The following SEC24B variants were observed in gnomAD, a reference collection of about 807,000 sequenced individuals.
SEC24B encodes SEC24 homolog B, COPII component, also known as protein transport protein Sec24B.
SEC24B carries 45 observed loss-of-function variants against 142.8 expected under a neutral mutation model. The ratio of observed to expected loss-of-function variants is 0.32; its 90% CI spans 0.25 to 0.40. SEC24B has a LOEUF of 0.40. Among genes scored for constraint, SEC24B ranks in the 10% least tolerant of loss-of-function variants. SEC24B has a pLI of 1.00. For synonymous variants in SEC24B, 574 were observed against 568.2 expected (o/e 1.01, Z -0.15); for missense variants, 1,409 against 1,526.8 (o/e 0.92, Z 1.29).
At chr4:109,517,091 G>A (rs372613641) in intron 11 of SEC24B, among the ~76,000 whole-genome samples, 4 of 152,106 alleles carry the variant, frequency 2.6e-5, no homozygotes, top group East Asian at 1.9e-4. Flanking sequence ...TACAATTGTC[G>A]TATGATCCAG....
intron 7 of SEC24B, among the ~76,000 whole-genome samples, chr4:109,508,135 G>A (rs138545322): frequency 5.9e-5 from 9 of 152,204 alleles, no homozygotes; most frequent in East Asian, 1.9e-4. Context: ...GATTGTTTCC[G>A]TAAAAATACA....
In SEC24B at chr4:109,539,654, T is replaced by A; in HGVS notation, c.3786T>A (p.Val1262=). ...CTTACTATGAATTTTTGCTTCATGT[T>A]CAGCAGCAGATTTGTAAGTGAAGTA... ...AFSYYEFLLH[V]QQQICK is the part of the protein sequence containing the mutation. The change falls in exon 24 of 24, where the codon GTT becomes GTA. Residue 1262 remains valine, a synonymous_variant. Transcript: ENST00000265175. The A allele has an allele frequency of 6.2e-7, 1 of 1,610,014 alleles. No individual in the cohort carries two copies. Among genetic ancestry groups the A allele is most frequent in the Non-Finnish European group, 8.5e-7 (1 of 1,176,428 alleles).
intron 10 of SEC24B, among the ~76,000 whole-genome samples, chr4:109,514,568 G>T (rs1345639637): frequency 6.6e-6 from 1 of 152,106 alleles, no homozygotes; most frequent in Non-Finnish European, 1.5e-5. Context: ...GCGTGGTGGT[G>T]CACGCCTGTA....
chr4:109,440,013 G>A (rs1410346917), intron 1 of SEC24B, among the ~76,000 whole-genome samples: 2 of 151,426 alleles, frequency 1.3e-5, no homozygotes, highest in African/African-American at 2.4e-5. Flanking sequence ...CCAGCTACTC[G>A]GGAGGCTGAG....
At chr4:109,446,255 C>T (rs1578760338) in intron 1 of SEC24B, among the ~76,000 whole-genome samples, 1 of 152,086 alleles carries the variant, frequency 6.6e-6, no homozygotes, top group Non-Finnish European at 1.5e-5. Context: ...AGACACAGGA[C>T]AAGTCAGAGC....
At position 109,520,909 on chromosome 4, in the gene SEC24B, T is replaced by G. The variant is rs562958151; in HGVS notation, c.2246-208T>G. 3.3e-5 allele frequency among the ~76,000 whole-genome samples: 5 copies of G among 152,252 alleles called. No homozygotes were observed. The South Asian group carries it at 1.0e-3, about 32-fold the overall frequency. ...CAGGAGGCTGAGGCAGGAGAATCGC[T>G]TGAACCCGGGAGGTGGAGGTTGCAG... On this transcript the variant is annotated intron_variant, in intron 12 of 23. Transcript: ENST00000265175.
In SEC24B at chr4:109,518,760, A is replaced by G. The variant is rs576946243; in HGVS notation, c.2127-1606A>G. Among the ~76,000 whole-genome samples, 3 of 149,706 alleles carry G rather than the reference A, an allele frequency of 2.0e-5. No individual in the cohort carries two copies. In the East Asian group the frequency reaches 6.3e-4, roughly 32 times the overall value. On this transcript the variant is annotated intron_variant, in intron 11 of 23. Transcript: ENST00000265175. ...GGCAACGGAAGACTGCTCTACAGAA[A>G]TGATTGGTTGGCTTGTTGTTGGTTT...
chr4:109,514,515 A>G (rs970785604), intron 10 of SEC24B, among the ~76,000 whole-genome samples: 1 of 152,200 alleles, frequency 6.6e-6, no homozygotes, highest in African/African-American at 2.4e-5. Context: ...CCTGGCCAAC[A>G]TGGTGAAACC....
At chr4:109,441,478 T>G (rs1292588708) in intron 1 of SEC24B, among the ~76,000 whole-genome samples, 1 of 152,194 alleles carries the variant, frequency 6.6e-6, no homozygotes, top group Non-Finnish European at 1.5e-5. Context: ...TCACCCAGGC[T>G]GGAGTGCAGT....
chr4:109,452,851 C>CATTT (rs933274435), intron 1 of SEC24B, among the ~76,000 whole-genome samples: 12 of 152,308 alleles, frequency 7.9e-5, no homozygotes, highest in African/African-American at 2.9e-4. Flanking sequence ...TTTTCCTGAA[C>CATTT]ATTTTCATGA....
chr4:109,495,132 G>T (rs1735405919), intron 6 of SEC24B, among the ~76,000 whole-genome samples: 1 of 152,040 alleles, frequency 6.6e-6, no homozygotes, highest in Admixed American at 6.5e-5. Flanking sequence ...TTATTTTTCA[G>T]AGTCTACAAT....
chr4:109,538,674 TTAAA>T lies in SEC24B; in HGVS notation c.3692+81_3692+84del, dbSNP rs143187541. ...GAATTGCTTGTCTTCAAAGCAAACTTTAAATAGTAGCAAAATATATTCTGATGGT... is the reference window on the plus strand; with the variant it reads ...GAATTGCTTGTCTTCAAAGCAAACTTTAGTAGCAAAATATATTCTGATGGT... On this transcript the variant is annotated intron_variant, in intron 23 of 23. Transcript: ENST00000265175. 4,434 of 827,340 alleles carry T rather than the reference TTAAA, an allele frequency of 5.4e-3. 20 individuals carry two copies. Among genetic ancestry groups the T allele is most frequent in the Non-Finnish European group, 7.7e-3 (3,760 of 489,564 alleles). The allele number at this position is 827,340 out of a possible 1,614,324, so 51.2% of individuals were successfully genotyped here.
intron 3 of SEC24B, among the ~76,000 whole-genome samples, chr4:109,480,511 C>T (rs913970822): frequency 6.6e-6 from 1 of 151,876 alleles, no homozygotes; most frequent in African/African-American, 2.4e-5. Flanking sequence ...GAGATGGAGT[C>T]TTGCTCTGTC....
intron 6 of SEC24B, among the ~76,000 whole-genome samples, chr4:109,497,965 T>C (rs1422750167): frequency 6.6e-6 from 1 of 152,214 alleles, no homozygotes; most frequent in East Asian, 1.9e-4. Context: ...AATTTTGACT[T>C]TCTAAATTGT....
At chr4:109,463,724 AG>A in intron 2 of SEC24B, 80 bp downstream of exon 2, 3 of 1,522,754 alleles carry the variant, frequency 2.0e-6, no homozygotes, top group Non-Finnish European at 2.6e-6. Context: ...CATGAAGGTT[AG>A]AGGTGATATT....
At chr4:109,462,608 G>A (rs993718841) in intron 1 of SEC24B, among the ~76,000 whole-genome samples, 11 of 152,136 alleles carry the variant, frequency 7.2e-5, no homozygotes, top group Non-Finnish European at 1.0e-4. Flanking sequence ...CAGAGCTCAA[G>A]ACTGGGCTAA....
chr4:109,527,774 C>CT (rs1724416060), intron 18 of SEC24B, among the ~76,000 whole-genome samples: 3 of 149,982 alleles, frequency 2.0e-5, no homozygotes, highest in African/African-American at 7.3e-5. Flanking sequence ...GAGTGAGACT[C>CT]TGTCTCAAAA....
Position 109,433,978 on chromosome 4 carries a change from G to A in SEC24B, c.109G>A (p.Gly37Ser). The part of the protein sequence containing the change: ...GAAAPAGPGA[G>S]PAPHQQNGPA... ...CGCAGCGCCCGCGGGCCCGGGTGCG[G>A]GCCCGGCGCCGCACCAGCAGAACGG... is the stretch of plus-strand genomic sequence containing the variant. Residue 37 changes from glycine (G) to serine (S), a missense_variant, in exon 1 of 24, where the codon GGC (glycine) becomes AGC (serine). Physicochemically the swap from Gly to Ser is moderately conservative, Grantham distance 56 (BLOSUM62 0). Around this residue, in one of 2 missense-constraint regions of SEC24B, gnomAD observed 709 missense variants for 673.5 expected, o/e 1.05. Coordinates refer to ENST00000265175, the MANE Select transcript of SEC24B (RefSeq NM_006323.5). 5 of 1,206,772 alleles carry A rather than the reference G, an allele frequency of 4.1e-6. No homozygotes were observed. Among genetic ancestry groups the A allele is most frequent in the Non-Finnish European group, 5.1e-6 (5 of 973,810 alleles). 74.8% of individuals were successfully genotyped at this position (1,206,772 alleles called of 1,614,324 possible).
intron 1 of SEC24B, among the ~76,000 whole-genome samples, chr4:109,443,384 A>C (rs952015752): frequency 1.3e-5 from 2 of 152,114 alleles, no homozygotes; most frequent in Non-Finnish European, 2.9e-5. Context: ...ATTTTATGCA[A>C]TGCATATGTA....
Sources: gnomAD v4.1 joint callset for allele counts (sites outside exome capture counted in the v4.1 genomes callset) on GRCh38, gnomAD v4.1.1 for gene constraint, gnomAD v4.1.1 regional missense constraint, MANE v1.5 for transcripts, NCBI Gene and HGNC (gene_info 2026-07-23, HGNC 2026-07-21) for gene names.